LRP10: variants seen among roughly 807,000 people sequenced by gnomAD.
LRP10 encodes the protein LDL receptor related protein 10, also known as low-density lipoprotein receptor-related protein 10.
LRP10 carries 42 observed loss-of-function variants against 58.5 expected under a neutral mutation model. That is an observed-to-expected ratio of 0.72 (90% CI 0.56 to 0.93). The LOEUF is 0.93. LRP10 is among the 40% of genes least tolerant of loss of function. The pLI is 0.00. For missense variants in LRP10, 872 were observed against 940.1 expected, an observed-to-expected ratio of 0.93 and a Z score of 0.95; for synonymous variants, 377 against 388.5, an observed-to-expected ratio of 0.97 and a Z score of 0.35.
Position 22,872,231 on chromosome 14 carries a change from G to C in LRP10, c.-73G>C. 6.4e-7 allele frequency: 1 copy of C among 1,554,624 alleles called. No homozygotes were observed. The highest frequency in any genetic ancestry group is 2.2e-5 in the East Asian group (1 of 44,564). ...CGGCACCAGGGAGCCTGGGCGCCCG[G>C]GGCTCCGCCGCGACCCCATCGGGTA... On this transcript the variant is annotated 5_prime_UTR_variant, in exon 1 of 7. Transcript: ENST00000359591.
At position 22,881,063 on chromosome 14, in the gene LRP10, C is replaced by G. The variant is rs2040056605; in HGVS notation, c.*3536C>G. 6.6e-6 allele frequency: 1 copy of G among 152,168 alleles called. No homozygotes were observed. Among genetic ancestry groups the G allele is most frequent in the African/African-American group, 2.4e-5 (1 of 41,436 alleles). 9.4% of individuals were successfully genotyped at this position (152,168 alleles called of 1,614,324 possible). A position where few individuals can be genotyped will look rare whatever the true frequency, so the allele number is the denominator to read the frequency against. On this transcript the variant is annotated 3_prime_UTR_variant, in exon 7 of 7. Coordinates refer to ENST00000359591, the MANE Select transcript of LRP10 (RefSeq NM_014045.5). ...GATTCTTCATCACCTGAAGTGAACC[C>G]ACACAACAGGGCTGGGCCATGGGCA...
chr14:22,876,675 C>T lies in LRP10; in HGVS notation c.1425-14C>T, dbSNP rs760962680. 3.1e-6 allele frequency: 5 copies of T among 1,612,096 alleles called. No individual in the cohort carries two copies. The highest frequency in any genetic ancestry group is 4.2e-6 in the Non-Finnish European group (5 of 1,178,954). ...GAGAACTACCAGTGACTGAGCAGTC[C>T]TCATTCCTTCTAGCATCTTTGCCCC... On this transcript the variant is annotated splice_polypyrimidine_tract_variant and intron_variant, in intron 5 of 6. Coordinates refer to ENST00000359591, the MANE Select transcript of LRP10 (RefSeq NM_014045.5).
In LRP10 at chr14:22,875,615, C is replaced by T. The variant is rs767661696; in HGVS notation, c.667C>T (p.Leu223=). 10 of 1,614,074 alleles carry T rather than the reference C, an allele frequency of 6.2e-6. No homozygotes were observed. The African/African-American group carries it at 9.3e-5, about 15-fold the overall frequency. The change falls in exon 5 of 7, where the codon CTG becomes TTG. Residue 223 remains leucine (L), a synonymous_variant. Transcript: ENST00000359591. ...CTCCCACCCCCAGTCCTGCCATTGGCTGCTGGACCCCCATGATGGCCGGCG... is the reference window on the plus strand; with the variant it reads ...CTCCCACCCCCAGTCCTGCCATTGGTTGCTGGACCCCCATGATGGCCGGCG... The part of the protein sequence containing the change: ...SVSHPQSCHW[L]LDPHDGRRLA...
chr14:22,875,279 G>A (rs765744908), intron 4 of LRP10, 34 bp downstream of exon 4: 15 of 1,580,952 alleles, frequency 9.5e-6, no homozygotes, highest in Non-Finnish European at 1.1e-5. Flanking sequence ...GGAGCAGGCA[G>A]TGAAAGCCCC....
chr14:22,873,219 G>C (rs1022846330), intron 2 of LRP10, 92 bp from the exon 3 acceptor site: 16 of 1,499,194 alleles, frequency 1.1e-5, no homozygotes, highest in Non-Finnish European at 1.4e-5. Context: ...GCAGAGCCCA[G>C]ACTTTTGGAA....
At position 22,875,452 on chromosome 14, in the gene LRP10, C is replaced by A. The variant is rs1595029510; in HGVS notation, c.504C>A (p.Gly168=). The A allele has an allele frequency of 6.2e-7, 1 of 1,614,226 alleles. No homozygotes were observed. Among genetic ancestry groups the A allele is most frequent in the East Asian group, 2.2e-5 (1 of 44,888 alleles). Residue 168 remains glycine (G), a synonymous_variant, in exon 5 of 7, where the codon GGC becomes GGA. Coordinates refer to ENST00000359591, the MANE Select transcript of LRP10 (RefSeq NM_014045.5). ...RCDGVDACGD[G]SDEAGCSSDP... ...ATGGGGTTGATGCCTGTGGCGATGG[C>A]TCTGATGAAGCAGGTTGCAGCTCAG... is the stretch of plus-strand genomic sequence containing the variant.
chr14:22,875,438 G>A lies in LRP10; in HGVS notation c.490G>A (p.Ala164Thr). Residue 164 changes from alanine to threonine, a missense_variant, in exon 5 of 7, where the codon GCC (alanine) becomes ACC (threonine). Physicochemically the swap from Ala to Thr is moderately conservative, Grantham distance 58. Coordinates refer to ENST00000359591, the MANE Select transcript of LRP10 (RefSeq NM_014045.5). ...TGTCCAGCGCTGTGATGGGGTTGATGCCTGTGGCGATGGCTCTGATGAAGC... is the reference window on the plus strand; with the variant it reads ...TGTCCAGCGCTGTGATGGGGTTGATACCTGTGGCGATGGCTCTGATGAAGC... Reference protein sequence around the residue: ...SAVQRCDGVDACGDGSDEAGC... With the variant: ...SAVQRCDGVDTCGDGSDEAGC... 1 of 1,614,188 alleles carries A rather than the reference G, an allele frequency of 6.2e-7. No individual in the cohort carries two copies. Among genetic ancestry groups the A allele is most frequent in the East Asian group, 2.2e-5 (1 of 44,886 alleles).
chr14:22,876,666 T>A (rs1163732289), intron 5 of LRP10, 23 bp from the exon 6 acceptor site: 2 of 1,610,500 alleles, frequency 1.2e-6, no homozygotes, highest in Non-Finnish European at 1.7e-6. Context: ...TACCAGTGAC[T>A]GAGCAGTCCT....
chr14:22,877,747 GCCAGACACC>G lies in LRP10; in HGVS notation c.*225_*233del. ...AGAGTCTCCTCTGTACGTGGCCATGGCCAGACACCCCAGTCCCTTCACCACCACCTGCTC... is the reference window on the plus strand; with the variant it reads ...AGAGTCTCCTCTGTACGTGGCCATGGCCAGTCCCTTCACCACCACCTGCTC... On this transcript the variant is annotated 3_prime_UTR_variant, in exon 7 of 7. Transcript: ENST00000359591. This position sits in a 1 kb window ranked among gnomAD's most constrained non-coding sequence, Gnocchi z 5.1. The G allele has an allele frequency of 2.1e-6, 1 of 465,346 alleles. No homozygotes were observed. The highest frequency in any genetic ancestry group is 3.9e-5 in the Admixed American group (1 of 25,540). The allele number at this position is 465,346 out of a possible 1,614,324, so 28.8% of individuals were successfully genotyped here.
In LRP10 at chr14:22,877,503, A is replaced by G; in HGVS notation, c.2118A>G (p.Ala706=). 6.2e-7 allele frequency: 1 copy of G among 1,607,894 alleles called. No homozygotes were observed. Among genetic ancestry groups the G allele is most frequent in the Non-Finnish European group, 8.5e-7 (1 of 1,177,346 alleles). ...AGCCGGGGGTGTGGGTAGCTGAGGC[A>G]GAGGATGAGCCACTGCTTACCTGAG... is the stretch of plus-strand genomic sequence containing the variant. ...LAEPGVWVAE[A]EDEPLLT is the part of the protein sequence containing the mutation. Residue 706 remains alanine, a synonymous_variant, in exon 7 of 7, where the codon GCA becomes GCG. Coordinates refer to ENST00000359591, the MANE Select transcript of LRP10 (RefSeq NM_014045.5). The surrounding 1 kb of genome is among the most constrained non-coding windows in gnomAD (Gnocchi z 5.1).
rs1488544524 is a variant in LRP10 at position 22,879,489 on chromosome 14, G to T, written c.*1962G>T. On this transcript the variant is annotated 3_prime_UTR_variant, in exon 7 of 7. Transcript: ENST00000359591. ...AGCCTGGTCTTTTGCCCTCTCCTTT[G>T]CTCTTCTCTTCCCCCATAGCCACCT... is the stretch of plus-strand genomic sequence containing the variant. 8.6e-6 allele frequency: 2 copies of T among 232,860 alleles called. No homozygotes were observed. Among genetic ancestry groups the T allele is most frequent in the Non-Finnish European group, 1.9e-5 (2 of 107,388 alleles). The allele number at this position is 232,860 out of a possible 1,614,324, so 14.4% of individuals were successfully genotyped here.
rs1307722193 is a variant in LRP10 at position 22,877,831 on chromosome 14, G to T, written c.*304G>T. Reference sequence around the variant, plus strand: ...CTGTTTTTAAAAAGTAAAGTTCTTAGAGGATCATAGGTCTGGACACTCCAT... The same window carrying T: ...CTGTTTTTAAAAAGTAAAGTTCTTATAGGATCATAGGTCTGGACACTCCAT... On this transcript the variant is annotated 3_prime_UTR_variant, in exon 7 of 7. Transcript: ENST00000359591. This position sits in a 1 kb window ranked among gnomAD's most constrained non-coding sequence, Gnocchi z 5.1. 3.7e-5 allele frequency: 10 copies of T among 270,758 alleles called. No individual in the cohort carries two copies. Among genetic ancestry groups the T allele is most frequent in the Non-Finnish European group, 6.9e-5 (10 of 144,800 alleles). The allele number at this position is 270,758 out of a possible 1,614,324, so 16.8% of individuals were successfully genotyped here.
chr14:22,876,339 G>T lies in LRP10; in HGVS notation c.1391G>T (p.Cys464Phe). 6.2e-7 allele frequency: 1 copy of T among 1,614,048 alleles called. No homozygotes were observed. The highest frequency in any genetic ancestry group is 8.5e-7 in the Non-Finnish European group (1 of 1,180,038). The change falls in exon 5 of 7, where the codon TGC becomes TTC. Residue 464 changes from cysteine to phenylalanine, a missense_variant. Coordinates refer to ENST00000359591, the MANE Select transcript of LRP10 (RefSeq NM_014045.5). ...CTGGTCATCGCCCTGGGCTGCACCT[G>T]CAAGCTCTATGCCATTCGCACCCAG... Reference protein sequence around the residue: ...LLLVIALGCTCKLYAIRTQEY... With the variant: ...LLLVIALGCTFKLYAIRTQEY...
At chr14:22,872,387 A>G in intron 1 of LRP10, 50 bp downstream of exon 1, 1 of 1,609,008 alleles carries the variant, frequency 6.2e-7, no homozygotes, top group Non-Finnish European at 8.5e-7. Flanking sequence ...CCGGGCCAGC[A>G]GCTCTAACTC....
chr14:22,871,987 C>T lies in LRP10; in HGVS notation c.-317C>T. On this transcript the variant is annotated 5_prime_UTR_variant, in exon 1 of 7. Transcript: ENST00000359591. Reference sequence around the variant, plus strand: ...CAGGCCAGACCAGGGGCGCTCGCTGCCTGCGGGCGGGCTGTAGGCGAGGGC... The same window carrying T: ...CAGGCCAGACCAGGGGCGCTCGCTGTCTGCGGGCGGGCTGTAGGCGAGGGC... 1 of 514,118 alleles carries T rather than the reference C, an allele frequency of 1.9e-6. No individual in the cohort carries two copies. Among genetic ancestry groups the T allele is most frequent in the Non-Finnish European group, 3.5e-6 (1 of 288,634 alleles). The allele number at this position is 514,118 out of a possible 1,614,324, so 31.8% of individuals were successfully genotyped here.
chr14:22,875,420 C>T lies in LRP10; in HGVS notation c.472C>T (p.Arg158Cys), dbSNP rs778991461. ...LNHRCVSAVQ[R>C]CDGVDACGDG... is the part of the protein sequence containing the mutation. ...CCACCGCTGTGTATCTGCTGTCCAGCGCTGTGATGGGGTTGATGCCTGTGG... is the reference window on the plus strand; with the variant it reads ...CCACCGCTGTGTATCTGCTGTCCAGTGCTGTGATGGGGTTGATGCCTGTGG... The change falls in exon 5 of 7, where the codon CGC becomes TGC. Residue 158 changes from arginine to cysteine, a missense_variant. By Grantham distance (180) the Arg-to-Cys change is radical. Transcript: ENST00000359591. 12 of 1,614,038 alleles carry T rather than the reference C, an allele frequency of 7.4e-6. No homozygotes were observed. The highest frequency in any genetic ancestry group is 2.2e-5 in the South Asian group (2 of 91,090).
Position 22,880,031 on chromosome 14 carries a change from C to T in LRP10, c.*2504C>T, listed in dbSNP as rs553106071. 6.6e-6 allele frequency: 1 copy of T among 152,278 alleles called. No homozygotes were observed. The highest frequency in any genetic ancestry group is 2.4e-5 in the African/African-American group (1 of 41,524). 9.4% of individuals were successfully genotyped at this position (152,278 alleles called of 1,614,324 possible). The stretch of plus-strand genomic sequence containing the variant: ...GTGGGAAGGTGGGAGGTGTTTTCAG[C>T]ATGAGATAGGGTTCAGGCTGTGAAT... On this transcript the variant is annotated 3_prime_UTR_variant, in exon 7 of 7. Transcript: ENST00000359591.
At position 22,879,273 on chromosome 14, in the gene LRP10, C is replaced by T; in HGVS notation, c.*1746C>T. On this transcript the variant is annotated 3_prime_UTR_variant, in exon 7 of 7. Coordinates refer to ENST00000359591, the MANE Select transcript of LRP10 (RefSeq NM_014045.5). ...GTTCTGGGACCCTGGCACCTTGGCTCAGGGAAGACCCGAGCTCCTTTCACT... is the reference window on the plus strand; with the variant it reads ...GTTCTGGGACCCTGGCACCTTGGCTTAGGGAAGACCCGAGCTCCTTTCACT... 2.2e-6 allele frequency: 1 copy of T among 454,226 alleles called. No homozygotes were observed. Among genetic ancestry groups the T allele is most frequent in the Non-Finnish European group, 4.4e-6 (1 of 225,148 alleles). 28.1% of individuals were successfully genotyped at this position (454,226 alleles called of 1,614,324 possible). A position where few individuals can be genotyped will look rare whatever the true frequency, so the allele number is the denominator to read the frequency against.
Position 22,879,107 on chromosome 14 carries a change from C to A in LRP10, c.*1580C>A. On this transcript the variant is annotated 3_prime_UTR_variant, in exon 7 of 7. Transcript: ENST00000359591. ...CGCCTGGCAGAGCCCATCACCCAGCCTAGCCCCACACCTGGTGGAGAGGCC... is the reference window on the plus strand; with the variant it reads ...CGCCTGGCAGAGCCCATCACCCAGCATAGCCCCACACCTGGTGGAGAGGCC... The A allele has an allele frequency of 2.2e-6, 1 of 451,562 alleles. No individual in the cohort carries two copies. Among genetic ancestry groups the A allele is most frequent in the Non-Finnish European group, 4.5e-6 (1 of 223,790 alleles). The allele number at this position is 451,562 out of a possible 1,614,324, so 28.0% of individuals were successfully genotyped here.
Sources: gnomAD v4.1 joint callset for allele counts on GRCh38, gnomAD v4.1.1 for gene constraint, Gnocchi (gnomAD v3.1) non-coding constraint, MANE v1.5 for transcripts, NCBI Gene and HGNC (gene_info 2026-07-23, HGNC 2026-07-21) for gene names.